RHBDL3: variants seen among roughly 807,000 people sequenced by gnomAD.
RHBDL3 encodes rhomboid like 3, also known as rhomboid-related protein 3.
RHBDL3 carries 28 observed loss-of-function variants against 48.2 expected under a neutral mutation model. The observed-to-expected ratio is 0.58, with a 90% CI of 0.43 to 0.80. RHBDL3 has a LOEUF of 0.80. Ranked by LOEUF, RHBDL3 falls within the 30% of genes least tolerant of loss-of-function variation. The pLI, the probability that RHBDL3 is intolerant of heterozygous loss-of-function variation, is 0.00. For missense variants in RHBDL3, 464 were observed against 542.7 expected (o/e 0.85, Z 1.44); for synonymous variants, 208 against 232.3 (o/e 0.90, Z 0.95).
At chr17:32,309,508 C>T (rs1044340084) in intron 7 of RHBDL3, among the ~76,000 whole-genome samples, 18 of 151,932 alleles carry the variant, frequency 1.2e-4, no homozygotes, top group Non-Finnish European at 8.8e-5. Context: ...GCCGAGATCA[C>T]GCCATTGCAC....
chr17:32,316,370 T>G, intron 8 of RHBDL3, 78 bp downstream of exon 8: 1 of 1,095,944 alleles, frequency 9.1e-7, no homozygotes, highest in Non-Finnish European at 1.4e-6. Flanking sequence ...GTTCCTGCCC[T>G]TCACGGGCTT....
intron 2 of RHBDL3, among the ~76,000 whole-genome samples, chr17:32,283,142 A>G (rs1463695409): frequency 6.6e-6 from 1 of 152,038 alleles, no homozygotes; most frequent in Non-Finnish European, 1.5e-5. Flanking sequence ...CTGCATCTCC[A>G]GGATGCAGTG....
At chr17:32,314,384 T>A (rs1380704211) in intron 7 of RHBDL3, among the ~76,000 whole-genome samples, 2 of 151,990 alleles carry the variant, frequency 1.3e-5, no homozygotes, top group African/African-American at 4.8e-5. Context: ...CGCTTTTTTT[T>A]ATTTTTATTT....
intron 7 of RHBDL3, among the ~76,000 whole-genome samples, chr17:32,307,852 C>T (rs1274448498): frequency 6.6e-6 from 1 of 152,144 alleles, no homozygotes; most frequent in Non-Finnish European, 1.5e-5. Flanking sequence ...CTCCCCCTGC[C>T]CCAATTCCTT....
rs553827703 is a variant in RHBDL3 at position 32,322,700 on chromosome 17, G to A, written c.*1471G>A. On this transcript the variant is annotated 3_prime_UTR_variant, in exon 9 of 9. Coordinates refer to ENST00000269051, the MANE Select transcript of RHBDL3 (RefSeq NM_138328.3). ...CTTGGATGCGGGAGAGAACATGGTG[G>A]TTATCAAATCCACCCCACCCCATTA... 1 of 152,338 alleles carries A rather than the reference G, an allele frequency of 6.6e-6. No homozygotes were observed. The highest frequency in any genetic ancestry group is 1.9e-4 in the East Asian group (1 of 5,180). The allele number at this position is 152,338 out of a possible 1,614,324, so 9.4% of individuals were successfully genotyped here. A position where few individuals can be genotyped will look rare whatever the true frequency, so the allele number is the denominator to read the frequency against.
In RHBDL3 at chr17:32,324,334, G is replaced by A. The variant is rs944551140; in HGVS notation, c.*3105G>A. On this transcript the variant is annotated 3_prime_UTR_variant, in exon 9 of 9. Transcript: ENST00000269051. ...CATTCTTGCCCAGAGGATTAGGGGA[G>A]CTGTTGCTCACCACACCAGGATCTT... is the stretch of plus-strand genomic sequence containing the variant. 4 of 152,608 alleles carry A rather than the reference G, an allele frequency of 2.6e-5. No individual in the cohort carries two copies. The highest frequency in any genetic ancestry group is 9.7e-5 in the African/African-American group (4 of 41,450). 9.5% of individuals were successfully genotyped at this position (152,608 alleles called of 1,614,324 possible). A position where few individuals can be genotyped will look rare whatever the true frequency, so the allele number is the denominator to read the frequency against.
At chr17:32,305,874 C>G (rs1002122725) in intron 7 of RHBDL3, among the ~76,000 whole-genome samples, 1 of 150,380 alleles carries the variant, frequency 6.6e-6, no homozygotes, top group African/African-American at 2.5e-5. Context: ...GCCGAGATCG[C>G]GCCACTGCAC....
At chr17:32,271,074 T>G (rs911517110) in intron 2 of RHBDL3, among the ~76,000 whole-genome samples, 1 of 152,184 alleles carries the variant, frequency 6.6e-6, no homozygotes, top group East Asian at 1.9e-4. Flanking sequence ...GAAAAAAGTC[T>G]TATTTTCTGT....
chr17:32,266,443 A>G, intron 1 of RHBDL3, 143 bp downstream of exon 1: 1 of 435,408 alleles, frequency 2.3e-6, no homozygotes, highest in Non-Finnish European at 4.1e-6. Context: ...CGCGGGCAGG[A>G]GGGGGCGGAG....
rs2039617340 is a variant in RHBDL3, at chr17:32,265,951, C to T, written c.-239C>T. Among the ~76,000 whole-genome samples the T allele has an allele frequency of 1.4e-5, 2 of 146,422 alleles. No homozygotes were observed. Among genetic ancestry groups the T allele is most frequent in the Non-Finnish European group, 3.0e-5 (2 of 65,830 alleles). ...GGGCCGGGGCGGAGGCGGAGGCCGG[C>T]GGGGCAGCTAGCGCAGTGAAGTTTG... On this transcript the variant is annotated 5_prime_UTR_variant, in exon 1 of 9. Coordinates refer to ENST00000269051, the MANE Select transcript of RHBDL3 (RefSeq NM_138328.3).
intron 6 of RHBDL3, among the ~76,000 whole-genome samples, chr17:32,299,812 G>A (rs1239922625): frequency 6.6e-6 from 1 of 152,146 alleles, no homozygotes; most frequent in Non-Finnish European, 1.5e-5. Context: ...TTGAGCACAT[G>A]GCGTGCACTG....
chr17:32,306,435 T>C (rs1355956368), intron 7 of RHBDL3, among the ~76,000 whole-genome samples: 2 of 151,908 alleles, frequency 1.3e-5, no homozygotes, highest in East Asian at 3.9e-4. Context: ...AAAAAAACAG[T>C]TGTTCCCCTA....
intron 7 of RHBDL3, among the ~76,000 whole-genome samples, chr17:32,314,900 G>T (rs1406051932): frequency 6.6e-6 from 1 of 152,216 alleles, no homozygotes; most frequent in African/African-American, 2.4e-5. Flanking sequence ...CTGCTTCCTA[G>T]CATGGAACAT....
intron 3 of RHBDL3, 25 bp downstream of exon 3, chr17:32,284,842 C>G (rs766136615): frequency 2.0e-5 from 32 of 1,604,586 alleles, no homozygotes; most frequent in Non-Finnish European, 2.5e-5. Flanking sequence ...GCCCTTGGTA[C>G]TCGGGGGGAC....
intron 3 of RHBDL3, 76 bp from the exon 4 acceptor site, chr17:32,288,716 A>G (rs1358302749): frequency 1.3e-5 from 14 of 1,085,808 alleles, no homozygotes; most frequent in Non-Finnish European, 1.6e-5. Flanking sequence ...TGCAAGGAAC[A>G]TGCTGGCTGG....
In RHBDL3 at chr17:32,294,357, C is replaced by G; in HGVS notation, c.583C>G (p.Arg195Gly). The G allele has an allele frequency of 1.2e-6, 2 of 1,613,840 alleles. No homozygotes were observed. The highest frequency in any genetic ancestry group is 2.2e-5 in the East Asian group (1 of 44,868). Residue 195 changes from arginine (R) to glycine (G), a missense_variant, in exon 5 of 9, where the codon CGT becomes GGT. Physicochemically the swap from Arg to Gly is moderately radical, Grantham distance 125. Coordinates refer to ENST00000269051, the MANE Select transcript of RHBDL3 (RefSeq NM_138328.3). ...GQFVLQVTHP[R>G]YLKNSLVYHP... ...ATTTGTACTGCAGGTAACTCATCCA[C>G]GTTACTTGAAGAACTCCCTGGTTTA...
intron 7 of RHBDL3, among the ~76,000 whole-genome samples, chr17:32,312,383 C>T (rs1053146936): frequency 1.6e-4 from 24 of 151,978 alleles, no homozygotes; most frequent in African/African-American, 5.3e-4. Flanking sequence ...TGCAGTGAGT[C>T]GTGATCATGC....
chr17:32,286,583 A>T (rs556018779), intron 3 of RHBDL3, among the ~76,000 whole-genome samples: 1 of 152,366 alleles, frequency 6.6e-6, no homozygotes, highest in South Asian at 2.1e-4. Context: ...GATCAAAAAA[A>T]GTATTTGAAT....
intron 6 of RHBDL3, among the ~76,000 whole-genome samples, chr17:32,303,995 C>T (rs2040649908): frequency 1.3e-5 from 2 of 152,226 alleles, no homozygotes; most frequent in Non-Finnish European, 2.9e-5. Flanking sequence ...CACCTCTCAT[C>T]CTCTGAGCCC....
Sources: gnomAD v4.1 joint callset for allele counts (sites outside exome capture counted in the v4.1 genomes callset) on GRCh38, gnomAD v4.1.1 for gene constraint, MANE v1.5 for transcripts, NCBI Gene and HGNC (gene_info 2026-07-23, HGNC 2026-07-21) for gene names.